HS3ST4: variants seen among roughly 807,000 people sequenced by gnomAD.
HS3ST4 encodes the protein heparan sulfate glucosamine 3-O-sulfotransferase 4.
A neutral mutation model predicts 29.2 loss-of-function variants in HS3ST4; 17 were observed. The ratio of observed to expected loss-of-function variants is 0.58; its 90% confidence interval spans 0.40 to 0.87. HS3ST4 has a LOEUF of 0.87. HS3ST4 is among the 40% of genes least tolerant of loss of function. The pLI is 0.00. For synonymous variants in HS3ST4, 314 were observed against 285.7 expected, an observed-to-expected ratio of 1.10 and a Z score of -1.00; for missense variants, 627 against 634.5, an observed-to-expected ratio of 0.99 and a Z score of 0.13.
intron 1 of HS3ST4, among the ~76,000 whole-genome samples, chr16:26,085,983 A>G (rs1029401996): frequency 7.2e-5 from 11 of 152,124 alleles, no homozygotes; most frequent in Non-Finnish European, 5.9e-5. Context: ...AGCTTTACCA[A>G]CATGGACACA....
chr16:25,741,526 C>CTATTGTATCA (rs1441221005), intron 1 of HS3ST4, among the ~76,000 whole-genome samples: 1 of 151,988 alleles, frequency 6.6e-6, no homozygotes, highest in Non-Finnish European at 1.5e-5. Flanking sequence ...AAAAGAGGGG[C>CTATTGTATCA]TATTGTATCA....
At chr16:25,956,270 T>C (rs1460770810) in intron 1 of HS3ST4, among the ~76,000 whole-genome samples, 2 of 152,220 alleles carry the variant, frequency 1.3e-5, no homozygotes, top group Non-Finnish European at 2.9e-5. Context: ...TCCCTCGCCC[T>C]AGGCACCTTC....
intron 1 of HS3ST4, among the ~76,000 whole-genome samples, chr16:25,874,392 G>T (rs1967807115): frequency 1.3e-5 from 2 of 152,230 alleles, no homozygotes; most frequent in South Asian, 4.1e-4. Flanking sequence ...GATGGTAAAG[G>T]GTTGGAGCCA....
At chr16:25,899,555 G>C (rs1968102453) in intron 1 of HS3ST4, among the ~76,000 whole-genome samples, 1 of 151,962 alleles carries the variant, frequency 6.6e-6, no homozygotes, top group Non-Finnish European at 1.5e-5. Context: ...GCCCAGGCTG[G>C]AGTGCAGTGG....
intron 1 of HS3ST4, among the ~76,000 whole-genome samples, chr16:25,934,437 C>T (rs1399463810): frequency 2.0e-5 from 3 of 152,128 alleles, no homozygotes; most frequent in African/African-American, 7.2e-5. Context: ...GGGAGGTTAA[C>T]GAGCAACTAT....
intron 1 of HS3ST4, among the ~76,000 whole-genome samples, chr16:25,726,192 T>G (rs1966533507): frequency 6.6e-6 from 1 of 152,228 alleles, no homozygotes; most frequent in South Asian, 2.1e-4. Flanking sequence ...GTTCATTGTA[T>G]GGAATGGGTG....
chr16:25,958,058 A>G (rs1360094568), intron 1 of HS3ST4, among the ~76,000 whole-genome samples: 1 of 152,198 alleles, frequency 6.6e-6, no homozygotes, highest in Non-Finnish European at 1.5e-5. Flanking sequence ...TCTTTCCACT[A>G]GGATTCTTTG....
intron 1 of HS3ST4, among the ~76,000 whole-genome samples, chr16:25,878,429 A>G (rs556080079): frequency 6.6e-6 from 1 of 152,312 alleles, no homozygotes; most frequent in South Asian, 2.1e-4. Flanking sequence ...GCTAGTATCT[A>G]TCAGAATGGT....
intron 1 of HS3ST4, among the ~76,000 whole-genome samples, chr16:25,811,497 G>A (rs1011670307): frequency 3.7e-5 from 5 of 135,060 alleles, no homozygotes; most frequent in South Asian, 2.3e-4. Context: ...GCAATGTCAC[G>A]ATCTCGGCCC....
chr16:25,800,252 G>A (rs978064907), intron 1 of HS3ST4, among the ~76,000 whole-genome samples: 1 of 152,104 alleles, frequency 6.6e-6, no homozygotes, highest in African/African-American at 2.4e-5. Flanking sequence ...TAGTTGAATA[G>A]AATGTTTGAA....
intron 1 of HS3ST4, among the ~76,000 whole-genome samples, chr16:25,878,359 G>A (rs765926559): frequency 7.2e-5 from 11 of 151,910 alleles, no homozygotes; most frequent in Admixed American, 2.0e-4. Flanking sequence ...AACCACCAGG[G>A]GTGTAATTCT....
chr16:26,058,758 T>C (rs1018004962), intron 1 of HS3ST4, among the ~76,000 whole-genome samples: 5 of 152,104 alleles, frequency 3.3e-5, no homozygotes, highest in African/African-American at 1.2e-4. Flanking sequence ...TTTGGAAGCG[T>C]CGTCAGAACA....
chr16:25,812,106 A>T (rs778327350), intron 1 of HS3ST4, among the ~76,000 whole-genome samples: 1 of 152,124 alleles, frequency 6.6e-6, no homozygotes, highest in East Asian at 1.9e-4. Context: ...TTTTCTTTTC[A>T]TATGAATCAC....
chr16:25,707,687 C>T (rs1413837735), intron 1 of HS3ST4, among the ~76,000 whole-genome samples: 11 of 152,166 alleles, frequency 7.2e-5, no homozygotes, highest in Non-Finnish European at 1.5e-5. Flanking sequence ...ACTGCTTTAG[C>T]CACATTCAGT....
At chr16:25,869,849 T>C (rs1175392057) in intron 1 of HS3ST4, among the ~76,000 whole-genome samples, 2 of 152,218 alleles carry the variant, frequency 1.3e-5, no homozygotes, top group African/African-American at 2.4e-5. Context: ...TTAGAACACC[T>C]CTGTTGCTAT....
intron 1 of HS3ST4, among the ~76,000 whole-genome samples, chr16:26,024,276 A>G (rs987242961): frequency 6.6e-6 from 1 of 151,526 alleles, no homozygotes; most frequent in Non-Finnish European, 1.5e-5. Context: ...AGCTCAGTGC[A>G]TGGTATCCAG....
At chr16:25,994,430 C>T (rs1449436466) in intron 1 of HS3ST4, among the ~76,000 whole-genome samples, 1 of 151,876 alleles carries the variant, frequency 6.6e-6, no homozygotes, top group Non-Finnish European at 1.5e-5. Flanking sequence ...CATTTCCTAC[C>T]ATTTCATACA....
chr16:25,726,520 G>C (rs1036568243), intron 1 of HS3ST4, among the ~76,000 whole-genome samples: 1 of 152,114 alleles, frequency 6.6e-6, no homozygotes, highest in Non-Finnish European at 1.5e-5. Flanking sequence ...TTATCACTGG[G>C]TTAAAGGGTG....
Position 26,053,732 on chromosome 16 carries a change from A to T in HS3ST4, c.735-81880A>T, listed in dbSNP as rs552012846. The stretch of plus-strand genomic sequence containing the variant: ...TATGCGATTTACCAATATATATATA[A>T]AAAATACAACAGAGTCTAGTATTTA... On this transcript the variant is annotated intron_variant, in intron 1 of 1. Transcript: ENST00000331351. Among the ~76,000 whole-genome samples the T allele has an allele frequency of 8.5e-3, 1,296 of 152,268 alleles. 19 individuals are homozygous for T. The highest frequency in any genetic ancestry group is 0.029 in the African/African-American group (1,204 of 41,532).
Sources: allele counts gnomAD v4.1 joint callset (sites outside exome capture counted in the v4.1 genomes callset), GRCh38; gene constraint gnomAD v4.1.1; transcripts MANE v1.5; gene names NCBI Gene and HGNC (gene_info 2026-07-23, HGNC 2026-07-21).